The following MACROD2 variants were observed in gnomAD, a reference collection of about 807,000 sequenced individuals.
MACROD2 encodes the protein ADP-ribose glycohydrolase MACROD2.
In MACROD2, 36 loss-of-function variants were observed where a neutral mutation model predicts 70.4. The ratio of observed to expected loss-of-function variants is 0.51; its 90% CI spans 0.39 to 0.68. MACROD2 has a LOEUF of 0.68. Among genes scored for constraint, MACROD2 ranks in the 30% least tolerant of loss-of-function variants. The pLI is 0.00. For synonymous variants in MACROD2, 172 were observed against 178.8 expected, an observed-to-expected ratio of 0.96 and a Z score of 0.30; for missense variants, 496 against 538.4, an observed-to-expected ratio of 0.92 and a Z score of 0.78.
intron 4 of MACROD2, among the ~76,000 whole-genome samples, chr20:14,654,930 A>G (rs1985888962): frequency 6.6e-6 from 1 of 152,234 alleles, no homozygotes; most frequent in Non-Finnish European, 1.5e-5. Context: ...AATGGAAAGC[A>G]TTAGATTCAC....
At chr20:15,721,126 C>G (rs2050781609) in intron 8 of MACROD2, among the ~76,000 whole-genome samples, 1 of 152,156 alleles carries the variant, frequency 6.6e-6, no homozygotes, top group East Asian at 1.9e-4. Flanking sequence ...GGGCAGATTA[C>G]TCTGTAGAAA....
chr20:14,110,004 A>C (rs562082795), intron 3 of MACROD2, among the ~76,000 whole-genome samples: 1 of 152,154 alleles, frequency 6.6e-6, no homozygotes, highest in South Asian at 2.1e-4. Flanking sequence ...TGAATTCAAC[A>C]GTACATTAAA....
intron 5 of MACROD2, among the ~76,000 whole-genome samples, chr20:15,211,670 T>C (rs913840548): frequency 9.9e-5 from 15 of 152,232 alleles, no homozygotes; most frequent in African/African-American, 3.6e-4. Context: ...ACCATGATCG[T>C]AAGCGTCCTG....
chr20:16,052,780 G>C lies in MACROD2; in HGVS notation c.*2904G>C, dbSNP rs949746119. ...GAAAAGACATTTCTCTGTATGTGGC[G>C]CATGTCGGCTTTGCTTTGAAAAATA... On this transcript the variant is annotated 3_prime_UTR_variant, in exon 18 of 18. Coordinates refer to ENST00000684519, the MANE Select transcript of MACROD2 (RefSeq NM_001351661.2). The C allele has an allele frequency of 6.6e-6, 1 of 152,528 alleles. No homozygotes were observed. Among genetic ancestry groups the C allele is most frequent in the East Asian group, 1.9e-4 (1 of 5,190 alleles). 9.4% of individuals were successfully genotyped at this position (152,528 alleles called of 1,614,324 possible).
chr20:14,495,639 G>A (rs939583656), intron 4 of MACROD2, among the ~76,000 whole-genome samples: 1 of 152,084 alleles, frequency 6.6e-6, no homozygotes, highest in Non-Finnish European at 1.5e-5. Context: ...ATATATGTAT[G>A]TATTGTTGGT....
chr20:14,234,689 C>T (rs1482953754), intron 3 of MACROD2, among the ~76,000 whole-genome samples: 1 of 152,150 alleles, frequency 6.6e-6, no homozygotes. Context: ...TAGCCCACCT[C>T]ATATCTCTGT....
chr20:14,975,532 A>C (rs1275539638), intron 5 of MACROD2, among the ~76,000 whole-genome samples: 2 of 151,940 alleles, frequency 1.3e-5, no homozygotes, highest in African/African-American at 4.8e-5. Flanking sequence ...GAGGACAGAG[A>C]GATTTGAACA....
intron 2 of MACROD2, among the ~76,000 whole-genome samples, chr20:14,068,463 A>C: frequency 6.6e-6 from 1 of 152,194 alleles, no homozygotes; most frequent in East Asian, 1.9e-4. Flanking sequence ...ATTCTAGTAG[A>C]ATGATGATAA....
chr20:14,854,612 A>G (rs1393613403), intron 5 of MACROD2, among the ~76,000 whole-genome samples: 1 of 152,194 alleles, frequency 6.6e-6, no homozygotes, highest in African/African-American at 2.4e-5. Flanking sequence ...TTAAAAAACA[A>G]AAACAAAATC....
At chr20:15,669,019 G>T (rs185947268) in intron 8 of MACROD2, among the ~76,000 whole-genome samples, 25 of 152,270 alleles carry the variant, frequency 1.6e-4, no homozygotes, top group African/African-American at 6.0e-4. Flanking sequence ...GAACAGGAAA[G>T]AAATTTAGAG....
intron 7 of MACROD2, among the ~76,000 whole-genome samples, chr20:15,471,395 C>G (rs898947845): frequency 1.3e-5 from 2 of 152,104 alleles, no homozygotes; most frequent in African/African-American, 2.4e-5. Flanking sequence ...ACCCATTGTG[C>G]GAAGCATTTG....
At chr20:14,955,103 A>C (rs1167723909) in intron 5 of MACROD2, among the ~76,000 whole-genome samples, 1 of 96,458 alleles carries the variant, frequency 1.0e-5, no homozygotes, top group Non-Finnish European at 1.9e-5. Context: ...ATTAAATATA[A>C]TTTATATTAT....
At chr20:15,977,775 T>C (rs1048138577) in intron 13 of MACROD2, among the ~76,000 whole-genome samples, 2 of 152,194 alleles carry the variant, frequency 1.3e-5, no homozygotes, top group African/African-American at 4.8e-5. Flanking sequence ...TAAAGAGTCA[T>C]AAAGATATAC....
intron 2 of MACROD2, among the ~76,000 whole-genome samples, chr20:14,082,708 C>CCTTT (rs5840593): frequency 6.6e-6 from 1 of 152,204 alleles, no homozygotes; most frequent in African/African-American, 2.4e-5. Flanking sequence ...TTTCTGCATT[C>CCTTT]GTGATAAGTC....
intron 5 of MACROD2, among the ~76,000 whole-genome samples, chr20:14,858,935 A>AATTTCTTTAAAT (rs1169917670): frequency 6.6e-6 from 1 of 152,144 alleles, no homozygotes; most frequent in African/African-American, 2.4e-5. Context: ...TGAAGTACTA[A>AATTTCTTTAAAT]TTTAAAGAAA....
chr20:14,708,206 G>A lies in MACROD2; in HGVS notation c.418+23247G>A, dbSNP rs117523476. On this transcript the variant is annotated intron_variant, in intron 5 of 17. Transcript: ENST00000684519. ...TTTCAGTCTCTTTTCTGTTCATTAC[G>A]ACATTTAATCTTCCTGATAACCTCT... 9.8e-3 allele frequency among the ~76,000 whole-genome samples: 1,487 copies of A among 152,252 alleles called. 32 individuals carry two copies. Among genetic ancestry groups the A allele is most frequent in the Non-Finnish European group, 9.8e-3 (665 of 68,030 alleles).
intron 15 of MACROD2, among the ~76,000 whole-genome samples, chr20:16,040,027 G>A (rs2067287776): frequency 6.6e-6 from 1 of 151,726 alleles, no homozygotes; most frequent in Non-Finnish European, 1.5e-5. Context: ...AGTGCTAGAT[G>A]CAAAACTTGT....
At chr20:14,058,029 A>G (rs182271316) in intron 2 of MACROD2, among the ~76,000 whole-genome samples, 1 of 152,300 alleles carries the variant, frequency 6.6e-6, no homozygotes, top group East Asian at 1.9e-4. Context: ...ATTAGACCTC[A>G]GGTTAGTGGC....
chr20:15,647,877 A>G (rs1266374194), intron 8 of MACROD2, among the ~76,000 whole-genome samples: 1 of 151,910 alleles, frequency 6.6e-6, no homozygotes, highest in Non-Finnish European at 1.5e-5. Context: ...GCACCACCGC[A>G]TCGGCTAATT....
Sources: allele counts gnomAD v4.1 joint callset (sites outside exome capture counted in the v4.1 genomes callset), GRCh38; gene constraint gnomAD v4.1.1; transcripts MANE v1.5; gene names NCBI Gene and HGNC (gene_info 2026-07-23, HGNC 2026-07-21).